PRDM11: variants seen among roughly 807,000 people sequenced by gnomAD.
PRDM11 encodes PR domain-containing protein 11.
In PRDM11, 20 loss-of-function variants were observed where a neutral mutation model predicts 97.8. The observed-to-expected ratio is 0.20, with a 90% CI of 0.14 to 0.30. The LOEUF (loss-of-function observed/expected upper bound fraction) is 0.30, where lower values mean the gene tolerates loss of function less well. Ranked by LOEUF, PRDM11 falls within the 10% of genes least tolerant of loss-of-function variation. PRDM11 has a pLI of 1.00. For synonymous variants in PRDM11, 599 were observed against 637.7 expected, an observed-to-expected ratio of 0.94 and a Z score of 0.91; for missense variants, 1,139 against 1,555.2, an observed-to-expected ratio of 0.73 and a Z score of 4.50.
chr11:45,212,725 C>T (rs1351345401), intron 5 of PRDM11: 3 of 456,520 alleles, frequency 6.6e-6, no homozygotes, highest in South Asian at 4.6e-5. Context: ...TCCTCCACGT[C>T]CATGCCCAGC....
At chr11:45,110,731 T>C (rs533916458) in intron 1 of PRDM11, among the ~76,000 whole-genome samples, 1 of 152,304 alleles carries the variant, frequency 6.6e-6, no homozygotes, top group South Asian at 2.1e-4. Context: ...AGGTGCGGGG[T>C]GCAAGGAGCT....
At chr11:45,201,377 C>T (rs996864762) in intron 4 of PRDM11, among the ~76,000 whole-genome samples, 2 of 152,214 alleles carry the variant, frequency 1.3e-5, no homozygotes, top group Non-Finnish European at 2.9e-5. Flanking sequence ...CTGGCTCCAG[C>T]ATAGCACTCA....
At chr11:45,102,938 A>T (rs573024896) in intron 1 of PRDM11, among the ~76,000 whole-genome samples, 1 of 152,324 alleles carries the variant, frequency 6.6e-6, no homozygotes, top group East Asian at 1.9e-4. Context: ...TGTACAGAAG[A>T]GCAGATGCAG....
rs1854389167 is a variant in PRDM11 at position 45,231,022 on chromosome 11, A to G, written c.*2863A>G. The G allele has an allele frequency of 6.6e-6, 1 of 152,162 alleles. No individual in the cohort carries two copies. The highest frequency in any genetic ancestry group is 1.5e-5 in the Non-Finnish European group (1 of 68,040). The allele number at this position is 152,162 out of a possible 1,614,324, so 9.4% of individuals were successfully genotyped here. A position where few individuals can be genotyped will look rare whatever the true frequency, so the allele number is the denominator to read the frequency against. ...GGTCACTTCCTGAGCTGGCCACCAG[A>G]CCTCGGAAAAGCTAACCTCTCAGGT... On this transcript the variant is annotated 3_prime_UTR_variant, in exon 8 of 8. Transcript: ENST00000683152.
In PRDM11 at chr11:45,226,112, T is replaced by C. The variant is rs1334508623; in HGVS notation, c.1487T>C (p.Met496Thr). 3.6e-5 allele frequency: 55 copies of C among 1,533,070 alleles called. 1 individual carries two copies. Among genetic ancestry groups the C allele is most frequent in the Non-Finnish European group, 4.7e-5 (54 of 1,146,064 alleles). The allele number at this position is 1,533,070 out of a possible 1,614,324, so 95.0% of individuals were successfully genotyped here. A position where few individuals can be genotyped will look rare whatever the true frequency, so the allele number is the denominator to read the frequency against. The change falls in exon 8 of 8, where the codon ATG becomes ACG. Residue 496 changes from methionine (M) to threonine (T), a missense_variant. Physicochemically the swap from Met to Thr is moderately conservative, Grantham distance 81. This residue lies in a region of PRDM11 where 710 missense variants were observed against 1,044.9 expected (regional missense o/e 0.68). Coordinates refer to ENST00000683152, the MANE Select transcript of PRDM11 (RefSeq NM_001384648.1). ...ACAGCGACGGATGAGCCCTCCAAGA[T>C]GTCATCGGCCACCGGGCGCCGAATC... ...MMTATDEPSK[M>T]SSATGRRIRR...
In PRDM11 at chr11:45,158,969, C is replaced by T. The variant is rs569021352; in HGVS notation, c.-7+12092C>T. Among the ~76,000 whole-genome samples, 8 of 152,242 alleles carry T rather than the reference C, an allele frequency of 5.3e-5. No individual in the cohort carries two copies. The East Asian group carries it at 9.7e-4, about 18-fold the overall frequency. ...TTGGCTTCTCCCGGGGACTGTGCTC[C>T]GCCCTCCCTCTCCTTGAGCCCCCCC... On this transcript the variant is annotated intron_variant, in intron 1 of 7. Coordinates refer to ENST00000683152, the MANE Select transcript of PRDM11 (RefSeq NM_001384648.1).
intron 5 of PRDM11, among the ~76,000 whole-genome samples, chr11:45,211,287 G>A (rs2135816248): frequency 6.6e-6 from 1 of 152,322 alleles, no homozygotes; most frequent in East Asian, 1.9e-4. Flanking sequence ...CCCCTGGGAG[G>A]CATGAGGTAA....
At chr11:45,213,987 C>T in intron 5 of PRDM11, 1 of 334,336 alleles carries the variant, frequency 3.0e-6, no homozygotes, top group South Asian at 2.4e-5. Flanking sequence ...GTGGGAGGCA[C>T]CTAGCATTTA....
intron 1 of PRDM11, among the ~76,000 whole-genome samples, chr11:45,181,184 G>T (rs1852484538): frequency 6.6e-6 from 1 of 152,152 alleles, no homozygotes; most frequent in South Asian, 2.1e-4. Flanking sequence ...GGCGGGCTGG[G>T]GAGTGTCCCC....
upstream of PRDM11, among the ~76,000 whole-genome samples, chr11:45,095,646 G>A (rs148986632): frequency 1.1e-4 from 17 of 152,338 alleles, no homozygotes; most frequent in African/African-American, 3.6e-4. Context: ...ACAAAGTTCT[G>A]ACCAATGCAA....
chr11:45,126,587 C>A (rs1389550113), intron 1 of PRDM11, among the ~76,000 whole-genome samples: 1 of 152,092 alleles, frequency 6.6e-6, no homozygotes, highest in African/African-American at 2.4e-5. Context: ...ATTTCTCCTT[C>A]GCTTATGAAG....
At chr11:45,139,794 G>C (rs1017397584) in intron 1 of PRDM11, among the ~76,000 whole-genome samples, 2 of 152,134 alleles carry the variant, frequency 1.3e-5, no homozygotes, top group Admixed American at 1.3e-4. Flanking sequence ...GGGATACTCT[G>C]AGCTTCACAT....
intron 1 of PRDM11, among the ~76,000 whole-genome samples, chr11:45,120,585 C>T (rs973627869): frequency 6.6e-6 from 1 of 151,838 alleles, no homozygotes; most frequent in Non-Finnish European, 1.5e-5. Context: ...ATTCTATATC[C>T]ACTAAAATGT....
In PRDM11 at chr11:45,164,804, G is replaced by A. The variant is rs184149880; in HGVS notation, c.-6-16957G>A. Among the ~76,000 whole-genome samples, 387 of 152,280 alleles carry A rather than the reference G, an allele frequency of 2.5e-3. 1 individual carries two copies. Among genetic ancestry groups the A allele is most frequent in the Non-Finnish European group, 4.2e-3 (283 of 68,018 alleles). ...CTGAGATCTGCTTGAATGCTTCTTG[G>A]GGGCCCAGCTTCTGGAGTTGCATGA... is the stretch of plus-strand genomic sequence containing the variant. On this transcript the variant is annotated intron_variant, in intron 1 of 7. Transcript: ENST00000683152.
rs914187115 is a variant in PRDM11 at position 45,182,718 on chromosome 11, G to A, written c.224-143G>A. The A allele has an allele frequency of 7.8e-6, 8 of 1,031,252 alleles. No homozygotes were observed. In the African/African-American group the frequency reaches 1.3e-4, roughly 17 times the overall value. 63.9% of individuals were successfully genotyped at this position (1,031,252 alleles called of 1,614,324 possible). On this transcript the variant is annotated intron_variant, in intron 3 of 7. Transcript: ENST00000683152. ...CCTGTTCTTGGAGCCCCCAGGGAGA[G>A]TATGGGTTATTGCTACCGATGACCC...
chr11:45,120,707 G>A (rs1852410430), intron 1 of PRDM11, among the ~76,000 whole-genome samples: 1 of 152,008 alleles, frequency 6.6e-6, no homozygotes, highest in Non-Finnish European at 1.5e-5. Context: ...CCTTCATGGT[G>A]AAGGAAAATG....
intron 4 of PRDM11, 138 bp downstream of exon 4, chr11:45,183,261 C>A (rs186643480): frequency 1.6e-6 from 2 of 1,226,294 alleles, no homozygotes; most frequent in East Asian, 2.6e-5. Context: ...ATGGATCTTG[C>A]TGTCCCCTGG....
At chr11:45,147,126 G>C (rs1380506371) in intron 1 of PRDM11, among the ~76,000 whole-genome samples, 1 of 151,154 alleles carries the variant, frequency 6.6e-6, no homozygotes, top group Non-Finnish European at 1.5e-5. Flanking sequence ...CGCGGGAGCC[G>C]GGGGCCGCCC....
At chr11:45,164,424 G>A (rs1342416206) in intron 1 of PRDM11, among the ~76,000 whole-genome samples, 1 of 152,226 alleles carries the variant, frequency 6.6e-6, no homozygotes, top group African/African-American at 2.4e-5. Flanking sequence ...GGCAGCCTTT[G>A]GGCTAATTTT....
Sources: allele counts gnomAD v4.1 joint callset (sites outside exome capture counted in the v4.1 genomes callset), GRCh38; gene constraint gnomAD v4.1.1; regional missense constraint gnomAD v4.1.1; transcripts MANE v1.5; gene names NCBI Gene and HGNC (gene_info 2026-07-23, HGNC 2026-07-21).